CTNNA2: variants seen among roughly 807,000 people sequenced by gnomAD.
CTNNA2 encodes catenin alpha-2.
A neutral mutation model predicts 101.0 loss-of-function variants in CTNNA2; 42 were observed. The observed-to-expected ratio is 0.42, with a 90% CI of 0.32 to 0.54. The LOEUF (loss-of-function observed/expected upper bound fraction) is 0.54, where lower values mean the gene tolerates loss of function less well. CTNNA2 is among the 20% of genes least tolerant of loss of function. The probability of loss-of-function intolerance (pLI) is 0.14; values close to 1 mark genes in which losing one functional copy is unlikely to be tolerated. For synonymous variants in CTNNA2, 450 were observed against 456.4 expected (o/e 0.99, Z 0.18); for missense variants, 871 against 1,223.1 (o/e 0.71, Z 4.29).
At chr2:80,006,919 C>G (rs1693396854) in intron 7 of CTNNA2, among the ~76,000 whole-genome samples, 1 of 152,160 alleles carries the variant, frequency 6.6e-6, no homozygotes, top group Admixed American at 6.5e-5. Context: ...CTTCACTTGC[C>G]TATGAAATCT....
intron 7 of CTNNA2, among the ~76,000 whole-genome samples, chr2:80,096,752 A>G (rs895877657): frequency 1.3e-5 from 2 of 152,172 alleles, no homozygotes; most frequent in Non-Finnish European, 2.9e-5. Context: ...TCCCTTTACC[A>G]TTATGTAATG....
intron 3 of CTNNA2, among the ~76,000 whole-genome samples, chr2:79,748,738 AAT>A (rs150312102): frequency 1.9e-4 from 29 of 150,572 alleles, no homozygotes; most frequent in South Asian, 2.1e-4. Context: ...TTTATCATTA[AAT>A]ATATATATAT....
intron 1 of CTNNA2, among the ~76,000 whole-genome samples, chr2:79,632,211 A>G (rs902035262): frequency 3.3e-5 from 5 of 152,178 alleles, no homozygotes; most frequent in Non-Finnish European, 7.3e-5. Context: ...ACTGCTTAAC[A>G]TAAAAAGAAC....
intron 18 of CTNNA2, among the ~76,000 whole-genome samples, chr2:80,638,746 G>GTCTT (rs1673132175): frequency 2.0e-5 from 3 of 152,350 alleles, no homozygotes; most frequent in South Asian, 2.1e-4. Flanking sequence ...TTGAAAAAAT[G>GTCTT]CAAATGAAGA....
chr2:80,118,230 A>G (rs1701633727), intron 7 of CTNNA2, among the ~76,000 whole-genome samples: 2 of 152,072 alleles, frequency 1.3e-5, no homozygotes, highest in African/African-American at 2.4e-5. Flanking sequence ...TAAAACATCT[A>G]CTCTCTTGAA....
At chr2:79,411,499 G>A (rs975944094) in intron 4 of CTNNA2, among the ~76,000 whole-genome samples, 2 of 152,048 alleles carry the variant, frequency 1.3e-5, no homozygotes, top group African/African-American at 2.4e-5. Context: ...CAGAGAGAAA[G>A]GTCGGGTTAC....
At chr2:79,725,094 T>C (rs1325932751) in intron 2 of CTNNA2, among the ~76,000 whole-genome samples, 1 of 152,230 alleles carries the variant, frequency 6.6e-6, no homozygotes, top group Admixed American at 6.5e-5. Flanking sequence ...GCTTTCATTG[T>C]AATTAAGTTT....
chr2:80,476,984 G>T (rs963102201), intron 9 of CTNNA2, among the ~76,000 whole-genome samples: 3 of 152,108 alleles, frequency 2.0e-5, no homozygotes, highest in African/African-American at 7.2e-5. Flanking sequence ...CAAAAATCAT[G>T]CATTTCTCAT....
intron 7 of CTNNA2, among the ~76,000 whole-genome samples, chr2:79,967,963 TA>T (rs1226551222): frequency 1.3e-5 from 2 of 152,196 alleles, no homozygotes; most frequent in Admixed American, 1.3e-4. Flanking sequence ...AATGGTTATA[TA>T]TTGCATGATT....
At chr2:79,440,410 G>C (rs537068038) in intron 4 of CTNNA2, among the ~76,000 whole-genome samples, 2 of 152,078 alleles carry the variant, frequency 1.3e-5, no homozygotes, top group East Asian at 3.9e-4. Flanking sequence ...TGGTGATTCA[G>C]TATTTTACTG....
chr2:79,794,467 A>G (rs1675538559), intron 3 of CTNNA2, among the ~76,000 whole-genome samples: 1 of 152,194 alleles, frequency 6.6e-6, no homozygotes, highest in East Asian at 1.9e-4. Context: ...GAGCTCTGGG[A>G]TAAGTAAACA....
intron 3 of CTNNA2, chr2:79,339,968 T>G (rs957789254): frequency 1.3e-5 from 2 of 152,220 alleles, no homozygotes; most frequent in Admixed American, 6.5e-5. Context: ...AGTCTGCAGA[T>G]AGGCTTGCTT....
At chr2:80,519,063 A>T (rs1689317756) in intron 9 of CTNNA2, among the ~76,000 whole-genome samples, 1 of 152,110 alleles carries the variant, frequency 6.6e-6, no homozygotes, top group East Asian at 1.9e-4. Context: ...AAAATATGAA[A>T]CACCTGGAGC....
At chr2:80,185,692 C>T (rs1036754548) in intron 7 of CTNNA2, among the ~76,000 whole-genome samples, 3 of 152,054 alleles carry the variant, frequency 2.0e-5, no homozygotes, top group Admixed American at 6.6e-5. Context: ...TGTTAAAGAG[C>T]GGCATGTTAA....
At chr2:80,163,037 A>C in intron 7 of CTNNA2, 1 of 1,564,172 alleles carries the variant, frequency 6.4e-7, no homozygotes. Context: ...TGATTCCATT[A>C]AGTAGATTCA....
At chr2:79,260,127 T>C (rs527682414) in intron 2 of CTNNA2, among the ~76,000 whole-genome samples, 1 of 152,266 alleles carries the variant, frequency 6.6e-6, no homozygotes, top group East Asian at 1.9e-4. Flanking sequence ...CACTTGAAGC[T>C]GGCCAGCTTG....
At chr2:79,999,875 G>A in intron 7 of CTNNA2, among the ~76,000 whole-genome samples, 1 of 152,246 alleles carries the variant, frequency 6.6e-6, no homozygotes, top group African/African-American at 2.4e-5. Context: ...GACACTTTTA[G>A]TCACTTACTG....
intron 1 of CTNNA2, among the ~76,000 whole-genome samples, chr2:79,586,390 C>T (rs1337752685): frequency 6.6e-6 from 1 of 152,146 alleles, no homozygotes; most frequent in Non-Finnish European, 1.5e-5. Flanking sequence ...CTGCTTATTT[C>T]TCCGCTCGGC....
intron 7 of CTNNA2, among the ~76,000 whole-genome samples, chr2:80,390,029 C>G (rs910350082): frequency 6.6e-6 from 1 of 152,176 alleles, no homozygotes; most frequent in African/African-American, 2.4e-5. Flanking sequence ...AATAATTTGT[C>G]TCTGTAGCTA....
Sources: gnomAD v4.1 joint callset for allele counts (sites outside exome capture counted in the v4.1 genomes callset) on GRCh38, gnomAD v4.1.1 for gene constraint, MANE v1.5 for transcripts, NCBI Gene and HGNC (gene_info 2026-07-23, HGNC 2026-07-21) for gene names.